Variants in RPL26L1 observed in about 807,000 individuals in gnomAD.
RPL26L1 encodes ribosomal protein L26 like 1, also known as ribosomal protein uL24-like.
RPL26L1 carries 8 observed loss-of-function variants against 15.2 expected under a neutral mutation model. The ratio of observed to expected loss-of-function variants is 0.53; its 90% CI spans 0.31 to 0.95. The LOEUF is 0.95. Among genes scored for constraint, RPL26L1 ranks in the 40% least tolerant of loss-of-function variants. The pLI is 0.05. For missense variants in RPL26L1, 146 were observed against 190.9 expected, an observed-to-expected ratio of 0.76 and a Z score of 1.39; for synonymous variants, 51 against 65.9, an observed-to-expected ratio of 0.77 and a Z score of 1.09.
At chr5:172,969,262 T>G (rs1755592273) in intron 3 of RPL26L1, 151 bp from the exon 4 acceptor site, 1 of 700,930 alleles carries the variant, frequency 1.4e-6, no homozygotes, top group Non-Finnish European at 2.4e-6. Context: ...TGTGTTCCTA[T>G]TTTGTATTGT....
upstream of RPL26L1, chr5:172,958,698 G>T: frequency 4.1e-6 from 1 of 241,656 alleles, no homozygotes; most frequent in African/African-American, 2.2e-5. Context: ...GTTGGGTGGC[G>T]CCCGGGCCTC....
chr5:172,963,228 A>G (rs1755311907), intron 2 of RPL26L1, among the ~76,000 whole-genome samples: 1 of 151,914 alleles, frequency 6.6e-6, no homozygotes, highest in African/African-American at 2.4e-5. Flanking sequence ...AAATACAAAA[A>G]TTAGGTGTGG....
At chr5:172,957,026 A>G, upstream of RPL26L1, 1 of 364,996 alleles carries the variant, frequency 2.7e-6, no homozygotes, top group South Asian at 2.0e-5. Context: ...TGAGTGACCA[A>G]GAGGCTGAAT....
intron 2 of RPL26L1, among the ~76,000 whole-genome samples, chr5:172,962,056 C>T (rs1319698753): frequency 6.6e-6 from 1 of 152,216 alleles, no homozygotes; most frequent in Non-Finnish European, 1.5e-5. Flanking sequence ...CGCTCCTTAA[C>T]CCCCTCTTGT....
intron 2 of RPL26L1, among the ~76,000 whole-genome samples, chr5:172,964,335 G>C (rs909549012): frequency 3.0e-5 from 4 of 132,526 alleles, no homozygotes; most frequent in Non-Finnish European, 6.2e-5. Context: ...GCCCAGGCTG[G>C]AGTGCAGTGG....
At chr5:172,959,818 T>TA in intron 1 of RPL26L1, 47 bp from the exon 2 acceptor site, 1 of 1,592,954 alleles carries the variant, frequency 6.3e-7, no homozygotes, top group African/African-American at 1.3e-5. Context: ...CAGGCCCCTG[T>TA]AACCCACTGA....
rs1277500885 is a variant in RPL26L1 at position 172,959,790 on chromosome 5, AGTGTCTTG to A, written c.-9-73_-9-66del. ...GTAGAGCCTTTGTTGGGGGATGAGG[AGTGTCTTG>A]GGTCGAGAACAGGCCCCTGTAACCC... On this transcript the variant is annotated intron_variant, in intron 1 of 3. Coordinates refer to ENST00000265100, the MANE Select transcript of RPL26L1 (RefSeq NM_016093.4). 12 of 1,479,404 alleles carry A rather than the reference AGTGTCTTG, an allele frequency of 8.1e-6. No homozygotes were observed. In the Admixed American group the frequency reaches 2.0e-4, roughly 25 times the overall value. 91.6% of individuals were successfully genotyped at this position (1,479,404 alleles called of 1,614,324 possible). A position where few individuals can be genotyped will look rare whatever the true frequency, so the allele number is the denominator to read the frequency against.
chr5:172,961,887 G>A (rs768565133), intron 2 of RPL26L1, among the ~76,000 whole-genome samples: 13 of 152,058 alleles, frequency 8.5e-5, no homozygotes, highest in Non-Finnish European at 1.6e-4. Context: ...CTCTATTTAG[G>A]TAGCCCATTG....
At chr5:172,957,158 C>T (rs1412460068), upstream of RPL26L1, 1 of 456,006 alleles carries the variant, frequency 2.2e-6, no homozygotes, top group Admixed American at 2.4e-5. Context: ...ACTCACCAGA[C>T]ACTTCCTCTG....
At chr5:172,968,347 A>G in intron 2 of RPL26L1, 112 bp from the exon 3 acceptor site, 1 of 1,378,004 alleles carries the variant, frequency 7.3e-7, no homozygotes, top group Non-Finnish European at 9.9e-7. Flanking sequence ...GCCAGGATTA[A>G]GCTGCTTTTG....
At chr5:172,962,658 T>C (rs1251526609) in intron 2 of RPL26L1, among the ~76,000 whole-genome samples, 1 of 151,132 alleles carries the variant, frequency 6.6e-6, no homozygotes. Context: ...CTACTAAAAA[T>C]ATAAAAAATT....
intron 2 of RPL26L1, 80 bp from the exon 3 acceptor site, chr5:172,968,379 A>T: frequency 6.4e-7 from 1 of 1,550,820 alleles, no homozygotes; most frequent in Non-Finnish European, 8.8e-7. Flanking sequence ...TGTTTAGCCC[A>T]TGTGTTCCTG....
chr5:172,961,551 G>A (rs1755235305), intron 2 of RPL26L1, among the ~76,000 whole-genome samples: 1 of 152,158 alleles, frequency 6.6e-6, no homozygotes, highest in African/African-American at 2.4e-5. Flanking sequence ...ACCTCCTCAA[G>A]AGAGCTGTCT....
At chr5:172,968,321 T>G in intron 2 of RPL26L1, 138 bp from the exon 3 acceptor site, 1 of 1,064,370 alleles carries the variant, frequency 9.4e-7, no homozygotes, top group East Asian at 2.5e-5. Flanking sequence ...ATCAGAAAAG[T>G]AGCTAATTTT....
At chr5:172,956,948 A>G (rs1055909358), upstream of RPL26L1, 3 of 266,054 alleles carry the variant, frequency 1.1e-5, no homozygotes, top group Non-Finnish European at 2.3e-5. Flanking sequence ...GAAAAAAAAA[A>G]AAAATCCTGA....
intron 2 of RPL26L1, among the ~76,000 whole-genome samples, chr5:172,965,965 A>G (rs1331521698): frequency 2.6e-5 from 4 of 152,080 alleles, no homozygotes; most frequent in Admixed American, 6.6e-5. Context: ...GCATCTGGCA[A>G]TGGCATTGCC....
upstream of RPL26L1, chr5:172,958,399 C>CGTCT: frequency 2.2e-6 from 1 of 456,132 alleles, no homozygotes; most frequent in Admixed American, 2.3e-5. Context: ...ACTTGCAAGA[C>CGTCT]ATCTTCCCTC....
intron 2 of RPL26L1, among the ~76,000 whole-genome samples, chr5:172,961,754 C>G (rs1342700478): frequency 6.6e-6 from 1 of 152,238 alleles, no homozygotes. Flanking sequence ...GTTCTTAGAG[C>G]TTTAAATGTC....
At chr5:172,962,762 G>C (rs931324355) in intron 2 of RPL26L1, among the ~76,000 whole-genome samples, 6 of 131,642 alleles carry the variant, frequency 4.6e-5, no homozygotes, top group Non-Finnish European at 9.2e-5. Flanking sequence ...CTTCCAATGA[G>C]CCAAGATCAT....
Sources: gnomAD v4.1 joint callset for allele counts (sites outside exome capture counted in the v4.1 genomes callset) on GRCh38, gnomAD v4.1.1 for gene constraint, MANE v1.5 for transcripts, NCBI Gene and HGNC (gene_info 2026-07-23, HGNC 2026-07-21) for gene names.